NMD3: variants seen among roughly 807,000 people sequenced by gnomAD.
NMD3 encodes the protein 60S ribosomal export protein NMD3.
Under a neutral mutation model 73.1 loss-of-function variants are expected in NMD3, and 47 were observed. The ratio of observed to expected loss-of-function variants is 0.64; its 90% CI spans 0.51 to 0.82. NMD3 has a LOEUF of 0.82. NMD3 is among the 40% of genes least tolerant of loss of function. The pLI, the probability that NMD3 is intolerant of heterozygous loss-of-function variation, is 0.00. For missense variants in NMD3, 554 were observed against 612.5 expected, an observed-to-expected ratio of 0.90 and a Z score of 1.01; for synonymous variants, 210 against 194.5, an observed-to-expected ratio of 1.08 and a Z score of -0.66.
In NMD3 at chr3:161,227,354, C is replaced by T; in HGVS notation, c.276+11C>T. 7.4e-7 allele frequency: 1 copy of T among 1,359,202 alleles called. No homozygotes were observed. Among genetic ancestry groups the T allele is most frequent in the Non-Finnish European group, 1.0e-6 (1 of 984,076 alleles). The allele number at this position is 1,359,202 out of a possible 1,614,324, so 84.2% of individuals were successfully genotyped here. ...GCCCCTCTGAGTAAGGTAAGTTAAACAGCTAAAATCAGTATTCATAGGTAT... is the reference window on the plus strand; with the variant it reads ...GCCCCTCTGAGTAAGGTAAGTTAAATAGCTAAAATCAGTATTCATAGGTAT... On this transcript the variant is annotated intron_variant, in intron 4 of 15. Coordinates refer to ENST00000351193, the MANE Select transcript of NMD3 (RefSeq NM_015938.5).
chr3:161,226,571 G>C (rs1244606958), intron 3 of NMD3, among the ~76,000 whole-genome samples: 1 of 152,134 alleles, frequency 6.6e-6, no homozygotes, highest in Non-Finnish European at 1.5e-5. Flanking sequence ...TAACAAGTAT[G>C]GCAAAAAGAC....
chr3:161,233,433 A>C lies in NMD3; in HGVS notation c.311A>C (p.Glu104Ala). ...RLVDAGFVWTEPHSKRLKVKL... is the reference protein window; with the variant it reads ...RLVDAGFVWTAPHSKRLKVKL... ...GTAGATGCAGGCTTTGTTTGGACTG[A>C]GCCTCATTCTAAGAGACTTAAAGTT... is the stretch of plus-strand genomic sequence containing the variant. Residue 104 changes from glutamate (E) to alanine (A), a missense_variant, in exon 5 of 16, where the codon GAG (glutamate) becomes GCG (alanine). Physicochemically the swap from Glu to Ala is moderately radical, Grantham distance 107. Coordinates refer to ENST00000351193, the MANE Select transcript of NMD3 (RefSeq NM_015938.5). 2.5e-6 allele frequency: 4 copies of C among 1,610,174 alleles called. No individual in the cohort carries two copies. Among genetic ancestry groups the C allele is most frequent in the Non-Finnish European group, 3.4e-6 (4 of 1,177,898 alleles).
At chr3:161,252,740 C>CA (rs1737538688), downstream of NMD3, 2 of 659,786 alleles carry the variant, frequency 3.0e-6, no homozygotes, top group Non-Finnish European at 2.7e-6. Flanking sequence ...ATATAATTTA[C>CA]AAGTCATTAT....
rs79267066 is a variant in NMD3 at position 161,230,578 on chromosome 3, T to C, written c.277-2821T>C. 1.5e-3 allele frequency among the ~76,000 whole-genome samples: 224 copies of C among 152,262 alleles called. 3 individuals carry two copies. The East Asian group carries it at 0.037, about 25-fold the overall frequency. ...GGCCTCAATAAGTGGAAAAGAGATATAGTACATAGTGAAAGAATACATTTA... is the reference window on the plus strand; with the variant it reads ...GGCCTCAATAAGTGGAAAAGAGATACAGTACATAGTGAAAGAATACATTTA... On this transcript the variant is annotated intron_variant, in intron 4 of 15. Transcript: ENST00000351193.
intron 7 of NMD3, 51 bp from the exon 8 acceptor site, chr3:161,238,062 G>GAAT: frequency 8.3e-7 from 1 of 1,199,984 alleles, no homozygotes; most frequent in Non-Finnish European, 1.2e-6. Context: ...TAGTAGAGGA[G>GAAT]AATCCTATTT....
chr3:161,238,870 A>T, intron 9 of NMD3, 44 bp downstream of exon 9: 1 of 943,110 alleles, frequency 1.1e-6, no homozygotes, highest in Non-Finnish European at 1.6e-6. Context: ...AAAGAGTACA[A>T]GTAATTAATT....
At chr3:161,234,935 C>G (rs1736696974) in intron 6 of NMD3, 80 bp downstream of exon 6, 2 of 1,454,054 alleles carry the variant, frequency 1.4e-6, no homozygotes, top group East Asian at 2.3e-5. Context: ...CTTTCTAAAT[C>G]CAGGGATAGT....
Position 161,235,267 on chromosome 3 carries a change from C to A in NMD3, c.577+55C>A, listed in dbSNP as rs372711471. The stretch of plus-strand genomic sequence containing the variant: ...TATGTCAGATTTTTATTTCAACATA[C>A]CTAAGTAATCTTATATTTACTGATA... On this transcript the variant is annotated intron_variant, in intron 7 of 15. Coordinates refer to ENST00000351193, the MANE Select transcript of NMD3 (RefSeq NM_015938.5). 247 of 817,486 alleles carry A rather than the reference C, an allele frequency of 3.0e-4. No individual in the cohort carries two copies. The African/African-American group carries it at 3.8e-3, about 13-fold the overall frequency. The allele number at this position is 817,486 out of a possible 1,614,324, so 50.6% of individuals were successfully genotyped here.
chr3:161,225,402 C>A (rs977002591), intron 3 of NMD3, among the ~76,000 whole-genome samples: 8 of 151,424 alleles, frequency 5.3e-5, no homozygotes, highest in African/African-American at 1.9e-4. Flanking sequence ...GTTTTTTTTT[C>A]TTTAGTTATT....
chr3:161,246,882 A>G (rs1157528583), intron 12 of NMD3, among the ~76,000 whole-genome samples: 4 of 150,830 alleles, frequency 2.7e-5, no homozygotes, highest in Non-Finnish European at 4.4e-5. Context: ...TAAACCCTCA[A>G]ATATTGCTTT....
chr3:161,235,072 T>C (rs1322663475), intron 6 of NMD3, 50 bp from the exon 7 acceptor site: 16 of 1,015,208 alleles, frequency 1.6e-5, no homozygotes, highest in Non-Finnish European at 2.4e-5. Context: ...CCTATACCTA[T>C]AAATGGCTTT....
chr3:161,221,988 T>TTTAAA lies in NMD3; in HGVS notation c.-20-6_-20-5insTTAAA. On this transcript the variant is annotated splice_region_variant and splice_polypyrimidine_tract_variant and intron_variant, in intron 1 of 15. Transcript: ENST00000351193. ...TTTTTTTTTTTTTTTTTTTTTTTTT[T>TTTAAA]AAAAGAACTTAAGGCATACAGAACG... The TTTAAA allele has an allele frequency of 8.4e-7, 1 of 1,191,960 alleles. No individual in the cohort carries two copies. The highest frequency in any genetic ancestry group is 1.2e-6 in the Non-Finnish European group (1 of 853,668). 73.8% of individuals were successfully genotyped at this position (1,191,960 alleles called of 1,614,324 possible).
chr3:161,227,437 A>AT (rs55825529), intron 4 of NMD3, 94 bp downstream of exon 4: 100,458 of 357,292 alleles, frequency 0.28, 8,717 homozygotes, highest in East Asian at 0.41. Flanking sequence ...TTCAAAAGGA[A>AT]TTTTTTTTTT....
In NMD3 at chr3:161,242,598, G is replaced by A. The variant is rs1375730875; in HGVS notation, c.962G>A (p.Cys321Tyr). ...CTAGAGGAGTTTATTGTGATGGAAT[G>A]CAGCATAGTCCAAGATATAAAACGT... ...KQLEEFIVME[C>Y]SIVQDIKRAA... Residue 321 changes from cysteine to tyrosine, a missense_variant, in exon 11 of 16, where the codon TGC becomes TAC. Cys to Tyr is a radical substitution (Grantham distance 194). Transcript: ENST00000351193. The A allele has an allele frequency of 7.4e-6, 12 of 1,613,574 alleles. No homozygotes were observed. Among genetic ancestry groups the A allele is most frequent in the Non-Finnish European group, 6.8e-6 (8 of 1,179,766 alleles).
Position 161,241,095 on chromosome 3 carries a change from T to C in NMD3, c.803T>C (p.Met268Thr), listed in dbSNP as rs1341940150. The C allele has an allele frequency of 3.1e-6, 5 of 1,613,458 alleles. No homozygotes were observed. The highest frequency in any genetic ancestry group is 2.2e-5 in the East Asian group (1 of 44,840). Reference sequence around the variant, plus strand: ...AAACTGGCACAAAGCCTGGGAAATATGAACCAGATTTGTGTGTGTATTCGA... The same window carrying C: ...AAACTGGCACAAAGCCTGGGAAATACGAACCAGATTTGTGTGTGTATTCGA... ...SPKLAQSLGN[M>T]NQICVCIRVT... is the part of the protein sequence containing the mutation. Residue 268 changes from methionine to threonine, a missense_variant, in exon 10 of 16, where the codon ATG (methionine) becomes ACG (threonine). Met to Thr is a moderately conservative substitution (Grantham distance 81). Transcript: ENST00000351193.
rs772865917 is a variant in NMD3 at position 161,246,418 on chromosome 3, ATCT to A, written c.1104_1106del (p.Leu369del). The A allele has an allele frequency of 4.0e-6, 6 of 1,507,522 alleles. No individual in the cohort carries two copies. Among genetic ancestry groups the A allele is most frequent in the Admixed American group, 3.4e-5 (2 of 58,960 alleles). 93.4% of individuals were successfully genotyped at this position (1,507,522 alleles called of 1,614,324 possible). ...TATTTTTGTCGTACTCATTTGGGAC[ATCT>A]TCTAAATCCCGGAGACCTGGTGTTA... On this transcript the variant is annotated inframe_deletion, in exon 12 of 16. Transcript: ENST00000351193.
At chr3:161,243,847 C>T (rs1560073325) in intron 11 of NMD3, among the ~76,000 whole-genome samples, 1 of 152,146 alleles carries the variant, frequency 6.6e-6, no homozygotes, top group African/African-American at 2.4e-5. Flanking sequence ...TAGTCAGATT[C>T]CTCCATTGTA....
intron 13 of NMD3, among the ~76,000 whole-genome samples, chr3:161,248,803 A>G (rs1168889487): frequency 6.6e-6 from 1 of 152,160 alleles, no homozygotes; most frequent in Admixed American, 6.6e-5. Context: ...TAGAATAAAC[A>G]TTGATTTCTT....
intron 9 of NMD3, among the ~76,000 whole-genome samples, chr3:161,239,715 T>C (rs149720252): frequency 2.2e-4 from 33 of 152,362 alleles, no homozygotes; most frequent in African/African-American, 7.7e-4. Context: ...TGCTATTTTA[T>C]AGTATGTACT....
Sources: allele counts gnomAD v4.1 joint callset (sites outside exome capture counted in the v4.1 genomes callset), GRCh38; gene constraint gnomAD v4.1.1; transcripts MANE v1.5; gene names NCBI Gene and HGNC (gene_info 2026-07-23, HGNC 2026-07-21).